The following SHC3 variants were observed in gnomAD, a reference collection of about 807,000 sequenced individuals.
The protein encoded by SHC3 is SHC-transforming protein 3.
SHC3 carries 15 observed loss-of-function variants against 60.4 expected under a neutral mutation model. That is an observed-to-expected ratio of 0.25 (90% CI 0.17 to 0.38). The LOEUF (loss-of-function observed/expected upper bound fraction) is 0.38, where lower values mean the gene tolerates loss of function less well. SHC3 is among the 10% of genes least tolerant of loss of function. The pLI is 1.00. For missense variants in SHC3, 677 were observed against 786.1 expected, an observed-to-expected ratio of 0.86 and a Z score of 1.66; for synonymous variants, 294 against 325.9, an observed-to-expected ratio of 0.90 and a Z score of 1.05.
At chr9:89,042,757 C>A (rs1207134845) in intron 9 of SHC3, among the ~76,000 whole-genome samples, 1 of 152,114 alleles carries the variant, frequency 6.6e-6, no homozygotes, top group Non-Finnish European at 1.5e-5. Context: ...GTGAAGAGCC[C>A]CCTCTGCTGA....
chr9:89,170,077 G>C (rs1326116841), intron 1 of SHC3, among the ~76,000 whole-genome samples: 2 of 152,076 alleles, frequency 1.3e-5, no homozygotes. Context: ...GGGTTGTGGA[G>C]GCCTTTTCCT....
chr9:89,064,671 C>T (rs796347887), intron 6 of SHC3, among the ~76,000 whole-genome samples: 16 of 152,170 alleles, frequency 1.1e-4, no homozygotes, highest in African/African-American at 3.9e-4. Flanking sequence ...CATAAGGCCG[C>T]ATCATGGATC....
intron 2 of SHC3, 97 bp downstream of exon 2, chr9:89,112,459 G>T: frequency 7.5e-7 from 1 of 1,338,814 alleles, no homozygotes; most frequent in Non-Finnish European, 1.1e-6. Flanking sequence ...AACCCTCCAA[G>T]GGCCGGTCTT....
intron 1 of SHC3, among the ~76,000 whole-genome samples, chr9:89,145,778 G>A (rs923171781): frequency 6.6e-6 from 1 of 152,056 alleles, no homozygotes; most frequent in East Asian, 1.9e-4. Context: ...TAAAGTCCTC[G>A]GGAATAGGGG....
intron 1 of SHC3, among the ~76,000 whole-genome samples, chr9:89,133,453 T>C (rs1020133059): frequency 2.6e-5 from 4 of 152,068 alleles, no homozygotes; most frequent in African/African-American, 9.7e-5. Flanking sequence ...TATAAAGACA[T>C]ATGCACACGT....
chr9:89,034,227 A>C (rs940321078), intron 11 of SHC3, among the ~76,000 whole-genome samples: 1 of 152,250 alleles, frequency 6.6e-6, no homozygotes, highest in Non-Finnish European at 1.5e-5. Flanking sequence ...TGTAAGTTCC[A>C]TGAGAGCAGA....
intron 6 of SHC3, among the ~76,000 whole-genome samples, chr9:89,053,469 T>TA (rs1223002972): frequency 2.0e-5 from 3 of 152,202 alleles, no homozygotes; most frequent in African/African-American, 7.2e-5. Flanking sequence ...CTCAGCATAA[T>TA]ACGGCACTGG....
intron 1 of SHC3, among the ~76,000 whole-genome samples, chr9:89,142,770 C>T (rs1826412956): frequency 6.6e-6 from 1 of 151,974 alleles, no homozygotes; most frequent in Non-Finnish European, 1.5e-5. Flanking sequence ...CAATCCCATC[C>T]TTTACTCACA....
At chr9:89,060,305 C>T (rs979396841) in intron 6 of SHC3, among the ~76,000 whole-genome samples, 2 of 142,684 alleles carry the variant, frequency 1.4e-5, no homozygotes, top group African/African-American at 5.3e-5. Context: ...TGGTGTAGTA[C>T]GTGGTAGAGG....
intron 2 of SHC3, chr9:89,109,881 A>C (rs998572844): frequency 1.0e-6 from 1 of 985,350 alleles, no homozygotes. Flanking sequence ...TGAAACATCC[A>C]ACAGAAAAGT....
At chr9:89,050,432 T>A (rs966395849) in intron 7 of SHC3, among the ~76,000 whole-genome samples, 2 of 152,134 alleles carry the variant, frequency 1.3e-5, no homozygotes, top group Non-Finnish European at 2.9e-5. Flanking sequence ...ACTACAGACA[T>A]GCATCACCAT....
intron 2 of SHC3, among the ~76,000 whole-genome samples, chr9:89,093,903 A>G (rs1031959699): frequency 1.3e-5 from 2 of 152,174 alleles, no homozygotes; most frequent in African/African-American, 4.8e-5. Context: ...CAGGAGTTTG[A>G]GACCAGCCTG....
At chr9:89,060,246 G>A (rs1454427268) in intron 6 of SHC3, among the ~76,000 whole-genome samples, 3 of 150,938 alleles carry the variant, frequency 2.0e-5, no homozygotes, top group Non-Finnish European at 1.5e-5. Context: ...TGGAGGACAA[G>A]GTAGAGGATG....
rs774423415 is a variant in SHC3 at position 89,077,869 on chromosome 9, C to G, written c.580G>C (p.Gly194Arg). The G allele has an allele frequency of 1.2e-6, 2 of 1,614,214 alleles. No homozygotes were observed. The highest frequency in any genetic ancestry group is 1.7e-6 in the Non-Finnish European group (2 of 1,180,034). ...CTCTTCTTGAAGGCTCCCTTCGCAC[C>G]AGGCACAGCTTCACAGACGCGGCTG... ...AISRVCEAVP[G>R]AKGAFKKRKP... is the part of the protein sequence containing the mutation. The change falls in exon 3 of 12, where the codon GGT becomes CGT. Residue 194 changes from glycine to arginine, a missense_variant. Coordinates refer to ENST00000375835, the MANE Select transcript of SHC3 (RefSeq NM_016848.6).
intron 5 of SHC3, among the ~76,000 whole-genome samples, chr9:89,066,482 G>T (rs1421310656): frequency 6.6e-6 from 1 of 152,108 alleles, no homozygotes; most frequent in Admixed American, 6.5e-5. Flanking sequence ...TATAATCAGT[G>T]CATAGGGAAA....
At position 89,022,222 on chromosome 9, in the gene SHC3, G is replaced by A. The variant is rs548878936; in HGVS notation, c.1657-8647C>T. Among the ~76,000 whole-genome samples, 3 of 152,100 alleles carry A rather than the reference G, an allele frequency of 2.0e-5. No homozygotes were observed. The South Asian group carries it at 6.2e-4, about 32-fold the overall frequency. On this transcript the variant is annotated intron_variant, in intron 11 of 11. Coordinates refer to ENST00000375835, the MANE Select transcript of SHC3 (RefSeq NM_016848.6). The stretch of plus-strand genomic sequence containing the variant: ...CGGGCACTATTTAAACACTTTGGCG[G>A]TCCTGTCGGGGCTCCAGGAGCCTAG...
chr9:89,014,246 G>A (rs760135727), intron 11 of SHC3, among the ~76,000 whole-genome samples: 1 of 152,284 alleles, frequency 6.6e-6, no homozygotes, highest in Non-Finnish European at 1.5e-5. Context: ...CCATGTCAGG[G>A]GAGAGGAGGT....
intron 11 of SHC3, among the ~76,000 whole-genome samples, chr9:89,022,041 G>GTA (rs1826210334): frequency 6.6e-6 from 1 of 152,118 alleles, no homozygotes; most frequent in African/African-American, 2.4e-5. Flanking sequence ...AGCGAACAAA[G>GTA]GCACAATGTC....
intron 2 of SHC3, among the ~76,000 whole-genome samples, chr9:89,097,210 T>C (rs747823839): frequency 3.9e-5 from 6 of 152,004 alleles, no homozygotes; most frequent in African/African-American, 9.7e-5. Flanking sequence ...TCTTAGCAGA[T>C]ATTTTAGGTA....
Sources: gnomAD v4.1 joint callset for allele counts (sites outside exome capture counted in the v4.1 genomes callset) on GRCh38, gnomAD v4.1.1 for gene constraint, MANE v1.5 for transcripts, NCBI Gene and HGNC (gene_info 2026-07-23, HGNC 2026-07-21) for gene names.